Variants in ENPEP observed in about 807,000 individuals in gnomAD.
The protein encoded by ENPEP is glutamyl aminopeptidase.
In ENPEP, 103 loss-of-function variants were observed where a neutral mutation model predicts 114.5. That is an observed-to-expected ratio of 0.90 (90% confidence interval 0.77 to 1.06). ENPEP has a LOEUF of 1.06. Ranked by LOEUF, ENPEP falls within the 50% of genes least tolerant of loss-of-function variation. ENPEP has a pLI of 0.00. For synonymous variants in ENPEP, 420 were observed against 422.0 expected, an observed-to-expected ratio of 1.00 and a Z score of 0.06; for missense variants, 1,196 against 1,161.3, an observed-to-expected ratio of 1.03 and a Z score of -0.43.
At position 110,523,852 on chromosome 4, in the gene ENPEP, G is replaced by A. The variant is rs79584516; in HGVS notation, c.1727+3486G>A. On this transcript the variant is annotated intron_variant, in intron 10 of 19. Coordinates refer to ENST00000265162, the MANE Select transcript of ENPEP (RefSeq NM_001977.4). ...ACATTTTCTTGTCAGTGACATGTTGGTAGCTTGAAAATGCTCCTGATGGGA... is the reference window on the plus strand; with the variant it reads ...ACATTTTCTTGTCAGTGACATGTTGATAGCTTGAAAATGCTCCTGATGGGA... Among the ~76,000 whole-genome samples, 1,456 of 152,248 alleles carry A rather than the reference G, an allele frequency of 9.6e-3. 29 individuals carry two copies. Among genetic ancestry groups the A allele is most frequent in the African/African-American group, 0.031 (1,308 of 41,532 alleles).
chr4:110,549,449 C>A (rs1727200669), intron 15 of ENPEP, 30 bp downstream of exon 15: 1 of 1,612,048 alleles, frequency 6.2e-7, no homozygotes, highest in African/African-American at 1.3e-5. Flanking sequence ...AACTAAAATT[C>A]ATTTAACATT....
chr4:110,532,420 G>A (rs1326930866), intron 11 of ENPEP, among the ~76,000 whole-genome samples: 2 of 152,128 alleles, frequency 1.3e-5, no homozygotes, highest in South Asian at 4.1e-4. Context: ...CCATGATATA[G>A]CATGTAACTC....
chr4:110,508,287 A>G (rs1271639100), intron 4 of ENPEP, among the ~76,000 whole-genome samples: 1 of 150,864 alleles, frequency 6.6e-6, no homozygotes, highest in Non-Finnish European at 1.5e-5. Flanking sequence ...AAAAAAAAAA[A>G]ATGAGATTGC....
chr4:110,508,430 T>G lies in ENPEP; in HGVS notation c.1040-1223T>G, dbSNP rs77572588. On this transcript the variant is annotated intron_variant, in intron 4 of 19. Transcript: ENST00000265162. ...GTGATAAAATAACCAAACCTAAAAA[T>G]GAGATAACATGAAAAGGAAACTACT... Among the ~76,000 whole-genome samples, 470 of 152,274 alleles carry G rather than the reference T, an allele frequency of 3.1e-3. 13 individuals carry two copies. In the East Asian group the frequency reaches 0.06, roughly 19 times the overall value.
intron 9 of ENPEP, 70 bp from the exon 10 acceptor site, chr4:110,520,145 C>A (rs1325445458): frequency 5.7e-6 from 9 of 1,591,998 alleles, no homozygotes; most frequent in Non-Finnish European, 7.7e-6. Flanking sequence ...ATTTTCTAAT[C>A]TAACTATTCT....
chr4:110,549,507 T>A (rs753973811), intron 15 of ENPEP, 21 bp from the exon 16 acceptor site: 2 of 1,613,198 alleles, frequency 1.2e-6, no homozygotes, highest in Non-Finnish European at 1.7e-6. Context: ...GCCCTGGATT[T>A]GTGTTTGTTT....
rs1402605004 is a variant in ENPEP at position 110,476,819 on chromosome 4, C to T, written c.405C>T (p.His135=). Residue 135 remains histidine (H), a synonymous_variant, in exon 1 of 20, where the codon CAC becomes CAT. Transcript: ENST00000265162. ...LSAPTRYLWL[H]LRETRITRLP... Reference sequence around the variant, plus strand: ...CTCCCACCCGGTACCTGTGGCTGCACCTCCGGGAGACCAGGATCACCCGGC... The same window carrying T: ...CTCCCACCCGGTACCTGTGGCTGCATCTCCGGGAGACCAGGATCACCCGGC... 6.2e-7 allele frequency: 1 copy of T among 1,614,168 alleles called. No homozygotes were observed. The highest frequency in any genetic ancestry group is 1.7e-5 in the Admixed American group (1 of 60,034).
At chr4:110,488,859 G>GT (rs1164111875) in intron 2 of ENPEP, among the ~76,000 whole-genome samples, 177 bp downstream of exon 2, 1 of 152,192 alleles carries the variant, frequency 6.6e-6, no homozygotes, top group East Asian at 1.9e-4. Flanking sequence ...CTAGAAGTCT[G>GT]TAAGGTATCA....
intron 13 of ENPEP, among the ~76,000 whole-genome samples, chr4:110,544,624 A>C (rs147563552): frequency 3.3e-5 from 5 of 152,268 alleles, no homozygotes; most frequent in African/African-American, 1.2e-4. Flanking sequence ...TTTAAACAGA[A>C]TCATTTAGTT....
intron 8 of ENPEP, 153 bp downstream of exon 8, chr4:110,515,595 C>T: frequency 1.5e-6 from 1 of 651,858 alleles, no homozygotes; most frequent in South Asian, 1.8e-5. Context: ...CATGATTTTA[C>T]ATCCAATTGA....
intron 10 of ENPEP, among the ~76,000 whole-genome samples, chr4:110,524,129 T>A (rs1219718146): frequency 6.6e-6 from 1 of 152,108 alleles, no homozygotes; most frequent in Non-Finnish European, 1.5e-5. Flanking sequence ...AATATATATA[T>A]AAGCTCAATC....
chr4:110,519,888 A>G, intron 8 of ENPEP, 120 bp from the exon 9 acceptor site: 1 of 740,546 alleles, frequency 1.4e-6, no homozygotes, highest in Non-Finnish European at 2.3e-6. Flanking sequence ...TGTACATGTT[A>G]TCTATGGCTG....
intron 7 of ENPEP, among the ~76,000 whole-genome samples, chr4:110,513,751 G>C (rs557696337): frequency 6.6e-6 from 1 of 152,162 alleles, no homozygotes. Flanking sequence ...AATTTTAAAA[G>C]AGATTTTTAA....
At chr4:110,554,173 T>C (rs549308906) in intron 18 of ENPEP, among the ~76,000 whole-genome samples, 7 of 151,940 alleles carry the variant, frequency 4.6e-5, no homozygotes, top group Non-Finnish European at 8.8e-5. Flanking sequence ...AATAAACATA[T>C]AAACATTGAT....
At chr4:110,549,245 G>C in intron 14 of ENPEP, 101 bp from the exon 15 acceptor site, 1 of 950,546 alleles carries the variant, frequency 1.1e-6, no homozygotes, top group Non-Finnish European at 1.6e-6. Context: ...CTCTGAATTA[G>C]TAGGAAAACA....
At chr4:110,495,655 A>G (rs1724900763) in intron 3 of ENPEP, among the ~76,000 whole-genome samples, 1 of 152,156 alleles carries the variant, frequency 6.6e-6, no homozygotes, top group South Asian at 2.1e-4. Flanking sequence ...CAGGAGGCAG[A>G]GGTTGCGGTG....
At chr4:110,554,112 G>A (rs1417300876) in intron 18 of ENPEP, among the ~76,000 whole-genome samples, 2 of 151,902 alleles carry the variant, frequency 1.3e-5, no homozygotes, top group Non-Finnish European at 2.9e-5. Context: ...CATCCAAAAG[G>A]CAGTTCTTTG....
intron 3 of ENPEP, among the ~76,000 whole-genome samples, chr4:110,493,444 A>C (rs779624189): frequency 6.6e-6 from 1 of 152,228 alleles, no homozygotes; most frequent in Non-Finnish European, 1.5e-5. Flanking sequence ...AGAGATCAAC[A>C]GAAGCCAAAT....
intron 11 of ENPEP, among the ~76,000 whole-genome samples, chr4:110,540,172 A>AT (rs1726798893): frequency 6.6e-6 from 1 of 152,200 alleles, no homozygotes; most frequent in Non-Finnish European, 1.5e-5. Flanking sequence ...ATTTCCAAAT[A>AT]TATAAAATGA....
Sources: allele counts gnomAD v4.1 joint callset (sites outside exome capture counted in the v4.1 genomes callset), GRCh38; gene constraint gnomAD v4.1.1; transcripts MANE v1.5; gene names NCBI Gene and HGNC (gene_info 2026-07-23, HGNC 2026-07-21).